The following CDC14B variants were observed in gnomAD, a reference collection of about 807,000 sequenced individuals.
CDC14B encodes the protein dual specificity protein phosphatase CDC14B.
A neutral mutation model predicts 64.2 loss-of-function variants in CDC14B; 22 were observed. That is an observed-to-expected ratio of 0.34 (90% confidence interval 0.24 to 0.49). The LOEUF is 0.49. Ranked by LOEUF, CDC14B falls within the 20% of genes least tolerant of loss-of-function variation. The pLI is 0.99. For synonymous variants in CDC14B, 191 were observed against 215.8 expected (o/e 0.89, Z 1.01); for missense variants, 498 against 629.9 (o/e 0.79, Z 2.24).
chr9:96,535,688 A>G (rs1054671318), intron 7 of CDC14B, among the ~76,000 whole-genome samples: 16 of 152,198 alleles, frequency 1.1e-4, no homozygotes, highest in African/African-American at 3.9e-4. Flanking sequence ...GAGTTTCTTG[A>G]ATATCTACAG....
chr9:96,494,065 G>C lies in CDC14B; in HGVS notation c.*81-813C>G, dbSNP rs572302468. On this transcript the variant is annotated intron_variant and NMD_transcript_variant, in intron 13 of 13. Coordinates refer to the CDC14B transcript ENST00000474602. ...AAAGCCTGGTTACTGAAGGAGCAGA[G>C]CGTTTGCTTGAGAGCCTGGGAGCCC... 1.6e-4 allele frequency among the ~76,000 whole-genome samples: 24 copies of C among 152,370 alleles called. 1 individual carries two copies. In the South Asian group the frequency reaches 4.3e-3, roughly 28 times the overall value.
At chr9:96,602,950 T>C (rs990212068) in intron 1 of CDC14B, among the ~76,000 whole-genome samples, 1 of 152,030 alleles carries the variant, frequency 6.6e-6, no homozygotes, top group African/African-American at 2.4e-5. Context: ...CCAAGGCTAT[T>C]ATCACCACAT....
chr9:96,605,901 C>A (rs768213532), intron 1 of CDC14B, among the ~76,000 whole-genome samples: 1 of 151,784 alleles, frequency 6.6e-6, no homozygotes, highest in African/African-American at 2.4e-5. Flanking sequence ...ATAGTTACAA[C>A]GAAGCAGCAC....
chr9:96,575,054 C>A (rs1844721655), intron 1 of CDC14B, among the ~76,000 whole-genome samples: 1 of 152,148 alleles, frequency 6.6e-6, no homozygotes, highest in South Asian at 2.1e-4. Flanking sequence ...AACAAATAAC[C>A]CTGAAATCTT....
intron 5 of CDC14B, among the ~76,000 whole-genome samples, chr9:96,542,098 T>A (rs943370557): frequency 2.0e-5 from 3 of 152,250 alleles, no homozygotes; most frequent in African/African-American, 7.2e-5. Flanking sequence ...GGTACTGTTT[T>A]ATGGGCCTGG....
chr9:96,579,584 C>CA (rs547800275), intron 1 of CDC14B, among the ~76,000 whole-genome samples: 1,782 of 94,534 alleles, frequency 0.019, 41 homozygotes, highest in South Asian at 0.066. Context: ...GACTCTGTCT[C>CA]AAAAAAAAAA....
chr9:96,526,184 A>G (rs1417413900), intron 9 of CDC14B, among the ~76,000 whole-genome samples: 4 of 152,128 alleles, frequency 2.6e-5, no homozygotes, highest in Non-Finnish European at 4.4e-5. Flanking sequence ...TGGCTAACAC[A>G]GTGAAACCCT....
chr9:96,519,730 TAAAAAAAAA>T lies in CDC14B; in HGVS notation c.1343+2767_1343+2775del, dbSNP rs59101582. Among the ~76,000 whole-genome samples the T allele has an allele frequency of 1.3e-4, 14 of 111,368 alleles. No individual in the cohort carries two copies. In the East Asian group the frequency reaches 3.1e-3, roughly 25 times the overall value. The allele number at this position is 111,368 out of a possible 152,430, so 73.1% of individuals were successfully genotyped here. A position where few individuals can be genotyped will look rare whatever the true frequency, so the allele number is the denominator to read the frequency against. On this transcript the variant is annotated intron_variant, in intron 12 of 13. Coordinates refer to ENST00000375241, the MANE Select transcript of CDC14B (RefSeq NM_033331.4). ...CGGCCAACAGAGCAAGACTCTGTCT[TAAAAAAAAA>T]AAAAAAAAAAAAAAGAGAAACCAAT...
chr9:96,516,101 CAGA>C (rs955767704), intron 12 of CDC14B, among the ~76,000 whole-genome samples: 2 of 152,122 alleles, frequency 1.3e-5, no homozygotes, highest in East Asian at 1.9e-4. Flanking sequence ...CTTCAAAAAG[CAGA>C]AGATGTGCAC....
rs1243387984 is a variant in CDC14B at position 96,502,240 on chromosome 9, G to A, written c.*1513C>T. 6.6e-6 allele frequency: 1 copy of A among 152,132 alleles called. No individual in the cohort carries two copies. The highest frequency in any genetic ancestry group is 2.4e-5 in the African/African-American group (1 of 41,416). 9.4% of individuals were successfully genotyped at this position (152,132 alleles called of 1,614,324 possible). A position where few individuals can be genotyped will look rare whatever the true frequency, so the allele number is the denominator to read the frequency against. Reference sequence around the variant, plus strand: ...GAGTTGCTTGTTTGGCTGAGAACACGGCATCTTCCGTCTCTCATGATGCCG... The same window carrying A: ...GAGTTGCTTGTTTGGCTGAGAACACAGCATCTTCCGTCTCTCATGATGCCG... On this transcript the variant is annotated 3_prime_UTR_variant, in exon 14 of 14. Coordinates refer to ENST00000375241, the MANE Select transcript of CDC14B (RefSeq NM_033331.4).
chr9:96,580,163 G>A (rs914729824), intron 1 of CDC14B, among the ~76,000 whole-genome samples: 1 of 151,442 alleles, frequency 6.6e-6, no homozygotes, highest in African/African-American at 2.4e-5. Flanking sequence ...TTCATTTCAT[G>A]CCATCCAGTT....
chr9:96,542,800 G>A (rs971083160), intron 5 of CDC14B, among the ~76,000 whole-genome samples: 2 of 151,936 alleles, frequency 1.3e-5, no homozygotes, highest in Non-Finnish European at 2.9e-5. Flanking sequence ...CACGAGGTCA[G>A]GAGTTCAAGA....
At chr9:96,564,027 T>C (rs577818722) in intron 3 of CDC14B, among the ~76,000 whole-genome samples, 4 of 152,356 alleles carry the variant, frequency 2.6e-5, no homozygotes, top group Admixed American at 2.6e-4. Flanking sequence ...AAAATTCTAA[T>C]TAAAAATAAA....
intron 1 of CDC14B, among the ~76,000 whole-genome samples, chr9:96,600,324 G>A (rs1416482904): frequency 1.3e-5 from 2 of 151,842 alleles, no homozygotes; most frequent in Non-Finnish European, 2.9e-5. Flanking sequence ...GTGAGGGATA[G>A]CAGGGGTAAG....
intron 5 of CDC14B, among the ~76,000 whole-genome samples, chr9:96,546,605 A>T (rs13284540): frequency 0.05 from 7,538 of 151,992 alleles, 363 homozygotes; most frequent in South Asian, 0.27. Flanking sequence ...GTGCACCACC[A>T]TGCCCTGCTA....
At chr9:96,523,441 C>T (rs1240205536) in intron 10 of CDC14B, 21 bp from the exon 11 acceptor site, 1 of 1,607,838 alleles carries the variant, frequency 6.2e-7, no homozygotes, top group Admixed American at 1.7e-5. Context: ...TAAATAACAT[C>T]AAAATAGAGC....
At chr9:96,554,508 G>GT (rs755311555) in intron 4 of CDC14B, among the ~76,000 whole-genome samples, 2 of 152,192 alleles carry the variant, frequency 1.3e-5, no homozygotes, top group East Asian at 3.9e-4. Flanking sequence ...TGGAACACTA[G>GT]TTTGATTCAA....
chr9:96,539,417 T>C (rs1344186504), intron 6 of CDC14B, among the ~76,000 whole-genome samples: 1 of 152,218 alleles, frequency 6.6e-6, no homozygotes, highest in African/African-American at 2.4e-5. Flanking sequence ...AGTCATCCTA[T>C]CCATGTATTG....
At chr9:96,541,650 A>C (rs981808753) in intron 6 of CDC14B, among the ~76,000 whole-genome samples, 176 bp downstream of exon 6, 7 of 152,220 alleles carry the variant, frequency 4.6e-5, no homozygotes, top group African/African-American at 1.7e-4. Flanking sequence ...AATTCAGAAT[A>C]AACTGTTTCC....
Sources: allele counts gnomAD v4.1 joint callset (sites outside exome capture counted in the v4.1 genomes callset), GRCh38; gene constraint gnomAD v4.1.1; transcripts MANE v1.5; gene names NCBI Gene and HGNC (gene_info 2026-07-23, HGNC 2026-07-21).